SLC66A3: variants seen among roughly 807,000 people sequenced by gnomAD.
SLC66A3 encodes PQ loop repeat containing 3.
In SLC66A3, 23 loss-of-function variants were observed where a neutral mutation model predicts 25.5. The ratio of observed to expected loss-of-function variants is 0.90; its 90% CI spans 0.65 to 1.28. The LOEUF (loss-of-function observed/expected upper bound fraction) is 1.28, where lower values mean the gene tolerates loss of function less well. Ranked by LOEUF, SLC66A3 falls within the 50% of genes most tolerant of loss-of-function variation. The probability of loss-of-function intolerance (pLI) is 0.00; values close to 1 mark genes in which losing one functional copy is unlikely to be tolerated. For missense variants in SLC66A3, 246 were observed against 262.1 expected (o/e 0.94, Z 0.42); for synonymous variants, 108 against 112.6 (o/e 0.96, Z 0.26).
At chr2:11,159,387 A>AG (rs1662031824) in intron 1 of SLC66A3, among the ~76,000 whole-genome samples, 1 of 152,050 alleles carries the variant, frequency 6.6e-6, no homozygotes, top group Non-Finnish European at 1.5e-5. Context: ...GCTGCACAGC[A>AG]CCCGGAGGGC....
At chr2:11,172,931 C>T (rs780014789) in intron 5 of SLC66A3, 3 of 167,124 alleles carry the variant, frequency 1.8e-5, no homozygotes, top group South Asian at 1.2e-4. Flanking sequence ...GGTGCAATCT[C>T]GGCTCACTGC....
At chr2:11,169,191 C>T (rs1234116335) in intron 4 of SLC66A3, among the ~76,000 whole-genome samples, 2 of 152,138 alleles carry the variant, frequency 1.3e-5, no homozygotes, top group East Asian at 3.9e-4. Context: ...GTCCAAGTGA[C>T]GCCTTCTCTC....
Position 11,171,933 on chromosome 2 carries a change from T to C in SLC66A3, c.363T>C (p.Cys121=). Residue 121 remains cysteine (C), a synonymous_variant, in exon 5 of 7, where the codon TGT becomes TGC. Transcript: ENST00000295083. The part of the protein sequence containing the change: ...KWIIDLAMNL[C]TFISAASKFA... Reference sequence around the variant, plus strand: ...ATTTTATCTGCAAACAGAATCTATGTACTTTCATCAGCGCGGCCAGTAAGT... The same window carrying C: ...ATTTTATCTGCAAACAGAATCTATGCACTTTCATCAGCGCGGCCAGTAAGT... 1 of 1,614,038 alleles carries C rather than the reference T, an allele frequency of 6.2e-7. No individual in the cohort carries two copies. Among genetic ancestry groups the C allele is most frequent in the Non-Finnish European group, 8.5e-7 (1 of 1,179,962 alleles).
intron 1 of SLC66A3, among the ~76,000 whole-genome samples, chr2:11,159,852 C>G (rs1662049161): frequency 6.6e-6 from 1 of 152,226 alleles, no homozygotes; most frequent in Non-Finnish European, 1.5e-5. Flanking sequence ...GTGGCCTTCG[C>G]AGCATCCTCA....
rs984746951 is a variant in SLC66A3 at position 11,178,330 on chromosome 2, T to C, written c.*502T>C. 6.5e-6 allele frequency: 1 copy of C among 154,594 alleles called. No individual in the cohort carries two copies. The highest frequency in any genetic ancestry group is 6.5e-5 in the Admixed American group (1 of 15,494). The allele number at this position is 154,594 out of a possible 1,614,324, so 9.6% of individuals were successfully genotyped here. On this transcript the variant is annotated 3_prime_UTR_variant, in exon 7 of 7. Coordinates refer to ENST00000295083, the MANE Select transcript of SLC66A3 (RefSeq NM_152391.5). ...CAGATACAACAGGGTGGCCTTGTTGTGTATAATACGGTATTATACCCGCAT... is the reference window on the plus strand; with the variant it reads ...CAGATACAACAGGGTGGCCTTGTTGCGTATAATACGGTATTATACCCGCAT...
chr2:11,160,415 G>A (rs371476110), intron 1 of SLC66A3, 51 bp from the exon 2 acceptor site: 26 of 1,546,858 alleles, frequency 1.7e-5, no homozygotes, highest in African/African-American at 8.2e-5. Context: ...GCCAGGCCCC[G>A]ACAGCTGCGT....
In SLC66A3 at chr2:11,172,024, C is replaced by T. The variant is rs758914995; in HGVS notation, c.454C>T (p.Leu152Phe). Reference sequence around the variant, plus strand: ...AACTGTGAGTGCGCTGACTTGGAGCCTCTCTTCCTATACCTGTGCAAGTAA... The same window carrying T: ...AACTGTGAGTGCGCTGACTTGGAGCTTCTCTTCCTATACCTGTGCAAGTAA... Reference protein sequence around the residue: ...SGTVSALTWSLSSYTCATRII... With the variant: ...SGTVSALTWSFSSYTCATRII... The change falls in exon 5 of 7, where the codon CTC (leucine) becomes TTC (phenylalanine). Residue 152 changes from leucine (L) to phenylalanine (F), a missense_variant. Leu to Phe is a conservative substitution (Grantham distance 22). Around this residue, in one of 3 missense-constraint regions of SLC66A3, gnomAD observed 93 missense variants for 102.6 expected, o/e 0.91. Coordinates refer to ENST00000295083, the MANE Select transcript of SLC66A3 (RefSeq NM_152391.5). The T allele has an allele frequency of 5.6e-6, 9 of 1,614,044 alleles. 1 individual carries two copies. In the South Asian group the frequency reaches 6.6e-5, roughly 12 times the overall value.
intron 3 of SLC66A3, 147 bp downstream of exon 3, chr2:11,160,841 C>T: frequency 7.6e-7 from 1 of 1,308,640 alleles, no homozygotes; most frequent in Non-Finnish European, 1.0e-6. Flanking sequence ...CAAACGTGTC[C>T]ATGTACACCA....
At chr2:11,168,870 T>TG (rs1553290300) in intron 4 of SLC66A3, among the ~76,000 whole-genome samples, 1 of 152,016 alleles carries the variant, frequency 6.6e-6, no homozygotes, top group Non-Finnish European at 1.5e-5. Flanking sequence ...CTTTTTTTTT[T>TG]CTTGTGAGAC....
At position 11,166,820 on chromosome 2, in the gene SLC66A3, C is replaced by T. The variant is rs111451960; in HGVS notation, c.354+2559C>T. Among the ~76,000 whole-genome samples the T allele has an allele frequency of 6.4e-3, 981 of 152,214 alleles. 5 individuals carry two copies. Among genetic ancestry groups the T allele is most frequent in the Non-Finnish European group, 8.8e-3 (599 of 68,016 alleles). On this transcript the variant is annotated intron_variant, in intron 4 of 6. Transcript: ENST00000295083. ...TGAGTCAGGAGAATCGCTTCAACCC[C>T]GGAGGCGGAGCTTGCAGTGAGCCAG... is the stretch of plus-strand genomic sequence containing the variant.
In SLC66A3 at chr2:11,177,867, C is replaced by T. The variant is rs748686791; in HGVS notation, c.*39C>T. 1.2e-5 allele frequency: 15 copies of T among 1,218,598 alleles called. No individual in the cohort carries two copies. The highest frequency in any genetic ancestry group is 1.7e-5 in the Non-Finnish European group (14 of 845,024). The allele number at this position is 1,218,598 out of a possible 1,614,324, so 75.5% of individuals were successfully genotyped here. A position where few individuals can be genotyped will look rare whatever the true frequency, so the allele number is the denominator to read the frequency against. ...CCTTCACACAGTGGATTTTGAGTAA[C>T]TGAACCAAAGGAAAAAGAAGCTCTT... is the stretch of plus-strand genomic sequence containing the variant. On this transcript the variant is annotated 3_prime_UTR_variant, in exon 7 of 7. Transcript: ENST00000295083.
Position 11,160,714 on chromosome 2 carries a change from G to A in SLC66A3, c.296+20G>A, listed in dbSNP as rs760457831. On this transcript the variant is annotated intron_variant, in intron 3 of 6. Coordinates refer to ENST00000295083, the MANE Select transcript of SLC66A3 (RefSeq NM_152391.5). ...CGCTGTGTATCCTTTCTGAATCTGA[G>A]CCAGAAGTGGGAACGGGGATGTTAT... 32 of 1,613,298 alleles carry A rather than the reference G, an allele frequency of 2.0e-5. No individual in the cohort carries two copies. The highest frequency in any genetic ancestry group is 2.5e-5 in the Non-Finnish European group (30 of 1,179,716).
intron 4 of SLC66A3, among the ~76,000 whole-genome samples, chr2:11,164,957 A>C (rs193042863): frequency 0.018 from 2,730 of 152,322 alleles, 32 homozygotes; most frequent in Non-Finnish European, 0.026. Context: ...ACACAGCAAC[A>C]ATCTGATTTC....
chr2:11,173,948 C>T (rs903215840), intron 5 of SLC66A3, among the ~76,000 whole-genome samples: 2 of 152,118 alleles, frequency 1.3e-5, no homozygotes, highest in African/African-American at 2.4e-5. Context: ...ACCAGTGATT[C>T]GAAAACATTT....
chr2:11,174,599 C>T (rs1662670414), intron 5 of SLC66A3, among the ~76,000 whole-genome samples: 1 of 151,840 alleles, frequency 6.6e-6, no homozygotes, highest in Non-Finnish European at 1.5e-5. Context: ...CAGGTTCAAG[C>T]GATTATCTTG....
chr2:11,177,699 T>G (rs1253911609), intron 6 of SLC66A3, 38 bp from the exon 7 acceptor site: 1 of 1,384,970 alleles, frequency 7.2e-7, no homozygotes, highest in Non-Finnish European at 1.0e-6. Context: ...GTCTGTATTG[T>G]AAAGACAGTT....
At position 11,177,901 on chromosome 2, in the gene SLC66A3, TAAG is replaced by T. The variant is rs753040923; in HGVS notation, c.*74_*76del. On this transcript the variant is annotated 3_prime_UTR_variant, in exon 7 of 7. Coordinates refer to ENST00000295083, the MANE Select transcript of SLC66A3 (RefSeq NM_152391.5). ...AGGAAAAAGAAGCTCTTTGCTAAAT[TAAG>T]GTCTTTTATAAATTTAGTAAATCAG... 1.1e-6 allele frequency: 1 copy of T among 907,956 alleles called. No homozygotes were observed. Among genetic ancestry groups the T allele is most frequent in the Non-Finnish European group, 1.7e-6 (1 of 577,566 alleles). The allele number at this position is 907,956 out of a possible 1,614,324, so 56.2% of individuals were successfully genotyped here.
intron 6 of SLC66A3, among the ~76,000 whole-genome samples, chr2:11,176,567 C>G (rs1296777822): frequency 1.1e-5 from 1 of 94,480 alleles, no homozygotes; most frequent in Admixed American, 1.5e-4. Context: ...CTCGCTCTGT[C>G]GCCCAGGCTG....
At chr2:11,168,281 T>TG (rs1479617570) in intron 4 of SLC66A3, among the ~76,000 whole-genome samples, 37 of 148,678 alleles carry the variant, frequency 2.5e-4, no homozygotes, top group Non-Finnish European at 3.4e-4. Flanking sequence ...AGACTCTGTC[T>TG]GAAAAAAAAA....
Sources: gnomAD v4.1 joint callset for allele counts (sites outside exome capture counted in the v4.1 genomes callset) on GRCh38, gnomAD v4.1.1 for gene constraint, gnomAD v4.1.1 regional missense constraint, MANE v1.5 for transcripts, NCBI Gene and HGNC (gene_info 2026-07-23, HGNC 2026-07-21) for gene names.